The following SYT16 variants were observed in gnomAD, a reference collection of about 807,000 sequenced individuals.
SYT16 encodes synaptotagmin-16.
Under a neutral mutation model 61.4 loss-of-function variants are expected in SYT16, and 42 were observed. The observed-to-expected ratio is 0.68, with a 90% confidence interval of 0.53 to 0.89. The LOEUF (loss-of-function observed/expected upper bound fraction) is 0.89, where lower values mean the gene tolerates loss of function less well. Ranked by LOEUF, SYT16 falls within the 40% of genes least tolerant of loss-of-function variation. SYT16 has a pLI of 0.00. For missense variants in SYT16, 804 were observed against 807.3 expected, an observed-to-expected ratio of 1.00 and a Z score of 0.05; for synonymous variants, 314 against 302.3, an observed-to-expected ratio of 1.04 and a Z score of -0.40.
chr14:61,976,665 G>A (rs974365529), intron 2 of SYT16, among the ~76,000 whole-genome samples: 2 of 152,096 alleles, frequency 1.3e-5, no homozygotes, highest in Non-Finnish European at 2.9e-5. Context: ...ACCAACTCCC[G>A]AGACTGTACA....
rs1484242554 is a variant in SYT16, at chr14:62,102,614, T to C, written c.*1907T>C. On this transcript the variant is annotated 3_prime_UTR_variant, in exon 8 of 8. Coordinates refer to ENST00000683842, the MANE Select transcript of SYT16 (RefSeq NM_001367656.1). Reference sequence around the variant, plus strand: ...TAAGTAGCAGCACAAAGAAGTGGCTTTTCACATCTCTTACTCTTTATGCCT... The same window carrying C: ...TAAGTAGCAGCACAAAGAAGTGGCTCTTCACATCTCTTACTCTTTATGCCT... 6.6e-6 allele frequency: 1 copy of C among 152,190 alleles called. No individual in the cohort carries two copies. Among genetic ancestry groups the C allele is most frequent in the Admixed American group, 6.5e-5 (1 of 15,268 alleles). 9.4% of individuals were successfully genotyped at this position (152,190 alleles called of 1,614,324 possible).
At chr14:61,855,535 G>C (rs1026616780) in intron 1 of SYT16, among the ~76,000 whole-genome samples, 3 of 152,046 alleles carry the variant, frequency 2.0e-5, no homozygotes, top group African/African-American at 7.2e-5. Flanking sequence ...GTAATATATT[G>C]AATACTGTAC....
At chr14:62,012,037 T>C (rs2053490438) in intron 3 of SYT16, among the ~76,000 whole-genome samples, 1 of 151,386 alleles carries the variant, frequency 6.6e-6, no homozygotes. Flanking sequence ...CTTTTTAGAA[T>C]AGTGTAACCA....
At chr14:62,035,469 C>G (rs568878539) in intron 3 of SYT16, among the ~76,000 whole-genome samples, 1 of 151,952 alleles carries the variant, frequency 6.6e-6, no homozygotes, top group Non-Finnish European at 1.5e-5. Context: ...GGATACAATA[C>G]GGGAAGAAAA....
intron 3 of SYT16, among the ~76,000 whole-genome samples, chr14:62,060,808 G>T (rs2055794507): frequency 1.3e-5 from 2 of 152,028 alleles, no homozygotes; most frequent in Non-Finnish European, 2.9e-5. Flanking sequence ...TTGTTAGAAG[G>T]AGTTTATATT....
chr14:62,038,389 A>C (rs1486835999), intron 3 of SYT16, among the ~76,000 whole-genome samples: 2 of 151,256 alleles, frequency 1.3e-5, no homozygotes, highest in African/African-American at 4.8e-5. Flanking sequence ...TCTACTGGCC[A>C]TGCATGGGCC....
At chr14:61,889,579 G>T (rs897497390) in intron 1 of SYT16, among the ~76,000 whole-genome samples, 2 of 151,088 alleles carry the variant, frequency 1.3e-5, no homozygotes, top group East Asian at 3.9e-4. Flanking sequence ...CCCTCTGCTC[G>T]CTCTTGCTCC....
intron 3 of SYT16, among the ~76,000 whole-genome samples, chr14:62,056,138 A>G (rs948157284): frequency 1.3e-5 from 2 of 152,130 alleles, no homozygotes; most frequent in Non-Finnish European, 2.9e-5. Flanking sequence ...AGTGGTAACA[A>G]TGATCAACGT....
intron 1 of SYT16, among the ~76,000 whole-genome samples, chr14:61,888,443 G>A (rs960348411): frequency 1.3e-5 from 2 of 152,242 alleles, no homozygotes; most frequent in South Asian, 4.1e-4. Flanking sequence ...CAATAATGTT[G>A]TGTCTCAGGG....
intron 1 of SYT16, among the ~76,000 whole-genome samples, chr14:61,940,838 A>G (rs2050180048): frequency 6.6e-6 from 1 of 152,162 alleles, no homozygotes. Flanking sequence ...TTCCTAGATC[A>G]GACTGAGAAC....
intron 1 of SYT16, among the ~76,000 whole-genome samples, chr14:61,886,518 C>G (rs2047906560): frequency 6.6e-6 from 1 of 152,204 alleles, no homozygotes; most frequent in Non-Finnish European, 1.5e-5. Flanking sequence ...TAGATTCTGT[C>G]TTAAGAAACC....
At chr14:61,879,270 T>C (rs1406804539) in intron 1 of SYT16, among the ~76,000 whole-genome samples, 7 of 152,190 alleles carry the variant, frequency 4.6e-5, no homozygotes, top group Non-Finnish European at 7.3e-5. Context: ...AAAGTGTGCC[T>C]TTTCTTGTCT....
chr14:61,974,456 C>G (rs1172574363), intron 2 of SYT16, among the ~76,000 whole-genome samples: 1 of 152,158 alleles, frequency 6.6e-6, no homozygotes, highest in Non-Finnish European at 1.5e-5. Context: ...TTTCATTTTG[C>G]ACTGAGTCTT....
At position 61,939,562 on chromosome 14, in the gene SYT16, T is replaced by G. The variant is rs149405064; in HGVS notation, c.-324-30570T>G. Among the ~76,000 whole-genome samples, 392 of 152,324 alleles carry G rather than the reference T, an allele frequency of 2.6e-3. 1 individual carries two copies. In the Middle Eastern group the frequency reaches 0.027, roughly 11 times the overall value. ...TCTCCTTCTGTCTTCATACGATCTT[T>G]CCTTCACGTGTGTACATGCCTGTGG... is the stretch of plus-strand genomic sequence containing the variant. On this transcript the variant is annotated intron_variant, in intron 1 of 7. Transcript: ENST00000683842.
chr14:62,000,110 T>G (rs1325028610), intron 3 of SYT16, among the ~76,000 whole-genome samples: 1 of 136,216 alleles, frequency 7.3e-6, no homozygotes, highest in Non-Finnish European at 1.6e-5. Context: ...TTTTTTTTTT[T>G]TTTTTTTTTT....
chr14:62,087,114 A>G (rs1043017823), intron 7 of SYT16, among the ~76,000 whole-genome samples: 2 of 152,210 alleles, frequency 1.3e-5, no homozygotes, highest in Non-Finnish European at 2.9e-5. Flanking sequence ...CTACTTTGAC[A>G]GTTACATGGC....
intron 1 of SYT16, chr14:61,832,231 G>T: frequency 1.6e-6 from 1 of 627,352 alleles, no homozygotes; most frequent in South Asian, 1.4e-5. Context: ...GCCACATCGG[G>T]TACGGGATAG....
chr14:61,856,710 G>T (rs1377679553), intron 1 of SYT16, among the ~76,000 whole-genome samples: 6 of 152,144 alleles, frequency 3.9e-5, no homozygotes, highest in Non-Finnish European at 7.4e-5. Flanking sequence ...TTTGAGTCTG[G>T]AGATCAAAGG....
At chr14:62,066,451 A>G (rs1364787652) in intron 3 of SYT16, among the ~76,000 whole-genome samples, 3 of 152,270 alleles carry the variant, frequency 2.0e-5, no homozygotes, top group African/African-American at 7.2e-5. Flanking sequence ...TGCCTGGCAC[A>G]TAATGAGCAC....
Sources: allele counts gnomAD v4.1 joint callset (sites outside exome capture counted in the v4.1 genomes callset), GRCh38; gene constraint gnomAD v4.1.1; transcripts MANE v1.5; gene names NCBI Gene and HGNC (gene_info 2026-07-23, HGNC 2026-07-21).